AUTS2: variants seen among roughly 807,000 people sequenced by gnomAD.
The protein encoded by AUTS2 is autism susceptibility gene 2 protein.
AUTS2 carries 17 observed loss-of-function variants against 112.4 expected under a neutral mutation model. The ratio of observed to expected loss-of-function variants is 0.15; its 90% CI spans 0.10 to 0.23. AUTS2 has a LOEUF of 0.23. AUTS2 is among the 10% of genes least tolerant of loss of function. AUTS2 has a pLI of 1.00. For missense variants in AUTS2, 1,510 were observed against 1,701.6 expected (o/e 0.89, Z 1.98); for synonymous variants, 751 against 702.7 (o/e 1.07, Z -1.09).
intron 4 of AUTS2, among the ~76,000 whole-genome samples, chr7:70,330,851 TGAAATTGTTTCCTA>T (rs551248360): frequency 1.2e-3 from 181 of 152,350 alleles, no homozygotes; most frequent in African/African-American, 4.1e-3. Context: ...ACCTTTTTGG[TGAAATTGTTTCCTA>T]GATATTTCAT....
intron 3 of AUTS2, among the ~76,000 whole-genome samples, chr7:70,134,268 C>A (rs998599763): frequency 5.3e-5 from 8 of 152,112 alleles, no homozygotes; most frequent in Non-Finnish European, 1.0e-4. Flanking sequence ...TACCCAGCTG[C>A]CTGTCAAATA....
intron 5 of AUTS2, among the ~76,000 whole-genome samples, chr7:70,659,478 T>G (rs545398497): frequency 6.6e-6 from 1 of 152,292 alleles, no homozygotes; most frequent in East Asian, 1.9e-4. Flanking sequence ...TCCACGGCTG[T>G]GTCACTTCCT....
chr7:70,385,212 A>ACT (rs1231141865), intron 4 of AUTS2, among the ~76,000 whole-genome samples: 1 of 152,216 alleles, frequency 6.6e-6, no homozygotes, highest in African/African-American at 2.4e-5. Flanking sequence ...CCCTAAAGAC[A>ACT]AGTACCATAC....
At chr7:70,692,031 C>A (rs1808782247) in intron 5 of AUTS2, among the ~76,000 whole-genome samples, 1 of 151,988 alleles carries the variant, frequency 6.6e-6, no homozygotes, top group Non-Finnish European at 1.5e-5. Flanking sequence ...CAGGTGTGCA[C>A]CTCTACACAT....
chr7:70,096,461 G>A (rs1295881916), intron 2 of AUTS2, among the ~76,000 whole-genome samples: 1 of 151,754 alleles, frequency 6.6e-6, no homozygotes, highest in African/African-American at 2.4e-5. Context: ...AGCTGGGCAT[G>A]GTGGCGGGCG....
intron 2 of AUTS2, among the ~76,000 whole-genome samples, chr7:70,014,172 G>A (rs1456889039): frequency 1.3e-5 from 2 of 152,122 alleles, no homozygotes; most frequent in Non-Finnish European, 2.9e-5. Flanking sequence ...ATATTATGAG[G>A]CTCTAGTTAG....
chr7:70,029,429 T>C (rs1208957651), intron 2 of AUTS2, among the ~76,000 whole-genome samples: 7 of 152,126 alleles, frequency 4.6e-5, no homozygotes, highest in African/African-American at 7.2e-5. Flanking sequence ...TTTGAGCTCC[T>C]TGAGTATGGA....
chr7:70,330,877 C>T (rs1403757271), intron 4 of AUTS2, among the ~76,000 whole-genome samples: 6 of 152,064 alleles, frequency 3.9e-5, no homozygotes, highest in Non-Finnish European at 8.8e-5. Flanking sequence ...ATATTTCATT[C>T]TTTTTGGATA....
chr7:70,572,268 G>A (rs1254437025), intron 5 of AUTS2, among the ~76,000 whole-genome samples: 1 of 152,064 alleles, frequency 6.6e-6, no homozygotes, highest in Non-Finnish European at 1.5e-5. Context: ...GGAGGGAGGT[G>A]GAGGAGGGGC....
chr7:70,122,381 T>C (rs1012138624), intron 3 of AUTS2, among the ~76,000 whole-genome samples: 1 of 152,262 alleles, frequency 6.6e-6, no homozygotes. Context: ...ATGCTTATTC[T>C]GCTTTCACTT....
chr7:70,138,764 A>G (rs1047223079), intron 4 of AUTS2, among the ~76,000 whole-genome samples: 2 of 152,194 alleles, frequency 1.3e-5, no homozygotes, highest in African/African-American at 4.8e-5. Flanking sequence ...CGGGATTTGT[A>G]TAATTATTGT....
At position 70,007,258 on chromosome 7, in the gene AUTS2, T is replaced by TC. The variant is rs978070112; in HGVS notation, c.522+107767dup. ...TCAATGAGGGAGCTTAGCCTTTCTGTCCCCCCCTAAATCATGGTTGCTTTC... is the reference window on the plus strand; with the variant it reads ...TCAATGAGGGAGCTTAGCCTTTCTGTCCCCCCCCTAAATCATGGTTGCTTTC... On this transcript the variant is annotated intron_variant, in intron 2 of 18. Coordinates refer to ENST00000342771, the MANE Select transcript of AUTS2 (RefSeq NM_015570.4). Among the ~76,000 whole-genome samples the TC allele has an allele frequency of 9.2e-5, 14 of 152,024 alleles. No individual in the cohort carries two copies. The South Asian group carries it at 1.5e-3, about 16-fold the overall frequency.
chr7:70,255,947 G>A (rs967196320), intron 4 of AUTS2, among the ~76,000 whole-genome samples: 6 of 152,164 alleles, frequency 3.9e-5, no homozygotes, highest in African/African-American at 1.2e-4. Flanking sequence ...GTTTAACAAC[G>A]TTATTGCTGA....
At chr7:69,928,078 A>G (rs1796091101) in intron 2 of AUTS2, among the ~76,000 whole-genome samples, 1 of 152,150 alleles carries the variant, frequency 6.6e-6, no homozygotes, top group African/African-American at 2.4e-5. Flanking sequence ...GGCAGAAAGG[A>G]ACTTTATTGA....
chr7:70,128,297 G>A (rs143956271), intron 3 of AUTS2, among the ~76,000 whole-genome samples: 177 of 152,304 alleles, frequency 1.2e-3, no homozygotes, highest in African/African-American at 4.1e-3. Flanking sequence ...TTGAGGTTGA[G>A]TGGAGAACAA....
At chr7:70,221,716 G>C (rs116875182) in intron 4 of AUTS2, among the ~76,000 whole-genome samples, 4,362 of 152,200 alleles carry the variant, frequency 0.029, 106 homozygotes, top group Middle Eastern at 0.065. Flanking sequence ...GCGAAACCTC[G>C]CCTCTACTAA....
chr7:70,039,359 G>C (rs1350564513), intron 2 of AUTS2, among the ~76,000 whole-genome samples: 2 of 152,018 alleles, frequency 1.3e-5, no homozygotes, highest in African/African-American at 2.4e-5. Flanking sequence ...TTTTGTTGTT[G>C]TTGTTGTTGT....
chr7:70,152,907 A>G (rs989069898), intron 4 of AUTS2, among the ~76,000 whole-genome samples: 1 of 152,180 alleles, frequency 6.6e-6, no homozygotes, highest in Non-Finnish European at 1.5e-5. Flanking sequence ...TCTTTTACAC[A>G]CTAGTGGGAA....
chr7:70,308,663 A>T (rs1789595515), intron 4 of AUTS2, among the ~76,000 whole-genome samples: 1 of 152,232 alleles, frequency 6.6e-6, no homozygotes, highest in Non-Finnish European at 1.5e-5. Context: ...TGCTTAACAT[A>T]TAGTAAGTGC....
Sources: allele counts gnomAD v4.1 joint callset (sites outside exome capture counted in the v4.1 genomes callset), GRCh38; gene constraint gnomAD v4.1.1; transcripts MANE v1.5; gene names NCBI Gene and HGNC (gene_info 2026-07-23, HGNC 2026-07-21).